ANKRD11: variants seen among roughly 807,000 people sequenced by gnomAD.
ANKRD11 encodes the protein ankyrin repeat domain 11.
A neutral mutation model predicts 195.7 loss-of-function variants in ANKRD11; 17 were observed. The ratio of observed to expected loss-of-function variants is 0.09; its 90% confidence interval spans 0.06 to 0.13. The LOEUF (loss-of-function observed/expected upper bound fraction) is 0.13, where lower values mean the gene tolerates loss of function less well. ANKRD11 is among the 10% of genes least tolerant of loss of function. ANKRD11 has a pLI of 1.00. For missense variants in ANKRD11, 3,735 were observed against 3,566.1 expected (o/e 1.05, Z -1.21); for synonymous variants, 1,953 against 1,528.1 (o/e 1.28, Z -6.49).
Position 89,341,658 on chromosome 16 carries a change from C to T in ANKRD11, c.-59-24580G>A, listed in dbSNP as rs554360605. On this transcript the variant is annotated intron_variant, in intron 2 of 12. Transcript: ENST00000301030. The stretch of plus-strand genomic sequence containing the variant: ...ACCGTTAACACTGGGAGCAATGCCA[C>T]GTATGCAAACGTGGCTTTAATCCCC... Among the ~76,000 whole-genome samples, 6 of 152,366 alleles carry T rather than the reference C, an allele frequency of 3.9e-5. No individual in the cohort carries two copies. The East Asian group carries it at 5.8e-4, about 15-fold the overall frequency.
chr16:89,389,873 G>C, intron 2 of ANKRD11, among the ~76,000 whole-genome samples: 1 of 133,662 alleles, frequency 7.5e-6, no homozygotes. Flanking sequence ...AAGATCACTG[G>C]GGCGAACACC....
intron 1 of ANKRD11, chr16:89,420,089 A>C (rs1440383536): frequency 3.3e-5 from 5 of 152,214 alleles, no homozygotes; most frequent in African/African-American, 1.2e-4. Context: ...CAGCAGCCTC[A>C]ATCCATCAAT....
Position 89,279,829 on chromosome 16 carries a change from C to A in ANKRD11, c.6713G>T (p.Ser2238Ile). 1 of 1,546,262 alleles carries A rather than the reference C, an allele frequency of 6.5e-7. No homozygotes were observed. The highest frequency in any genetic ancestry group is 2.4e-5 in the East Asian group (1 of 41,062). ...TGGGGGAACGGGCGCGGGCTCCACG[C>A]TGGAGTCCGGATCCCCACGGGCCCT... ...EERARGDPDS[S>I]VEPAPVPPEQ... is the part of the protein sequence containing the mutation. The change falls in exon 9 of 13, where the codon AGC becomes ATC. Residue 2238 changes from serine to isoleucine, a missense_variant. Coordinates refer to ENST00000301030, the MANE Select transcript of ANKRD11 (RefSeq NM_013275.6). The surrounding 1 kb of genome is among the most constrained non-coding windows in gnomAD (Gnocchi z 5.6).
intron 2 of ANKRD11, among the ~76,000 whole-genome samples, chr16:89,355,912 G>A (rs1313941612): frequency 1.3e-5 from 2 of 152,110 alleles, no homozygotes; most frequent in East Asian, 3.9e-4. Flanking sequence ...AGCACAGCTC[G>A]GGAGACCAGG....
At chr16:89,356,468 A>G (rs1437574846) in intron 2 of ANKRD11, among the ~76,000 whole-genome samples, 2 of 152,130 alleles carry the variant, frequency 1.3e-5, no homozygotes, top group African/African-American at 4.8e-5. Context: ...TTCCAATGTC[A>G]GCTCTATAAA....
At chr16:89,347,102 G>C (rs570032810) in intron 2 of ANKRD11, among the ~76,000 whole-genome samples, 22 of 152,248 alleles carry the variant, frequency 1.4e-4, no homozygotes, top group African/African-American at 5.1e-4. Flanking sequence ...TGGGCTCCTA[G>C]GCCCGTGGAG....
intron 1 of ANKRD11, among the ~76,000 whole-genome samples, chr16:89,460,369 C>A (rs1409004040): frequency 6.6e-6 from 1 of 151,926 alleles, no homozygotes; most frequent in Non-Finnish European, 1.5e-5. Flanking sequence ...ACCAGCCTGG[C>A]CAATATGGCA....
intron 2 of ANKRD11, among the ~76,000 whole-genome samples, chr16:89,409,161 G>C (rs886966239): frequency 6.6e-6 from 1 of 152,298 alleles, no homozygotes; most frequent in East Asian, 1.9e-4. Context: ...GATTTTTTAG[G>C]TGAAGCCGAC....
chr16:89,278,672 G>A (rs1487333152), intron 9 of ANKRD11: 1 of 473,292 alleles, frequency 2.1e-6, no homozygotes, highest in Non-Finnish European at 4.2e-6. Flanking sequence ...AACCCACGCG[G>A]GTCCAAGGGA....
At chr16:89,306,595 G>GCCAC (rs1343622703) in intron 3 of ANKRD11, among the ~76,000 whole-genome samples, 2 of 62,530 alleles carry the variant, frequency 3.2e-5, no homozygotes, top group African/African-American at 1.4e-4. Context: ...GCAGACACGC[G>GCCAC]CCACCTCCCA....
At chr16:89,312,897 C>G (rs2036689712) in intron 3 of ANKRD11, among the ~76,000 whole-genome samples, 2 of 152,180 alleles carry the variant, frequency 1.3e-5, no homozygotes, top group South Asian at 4.1e-4. Context: ...CTCCCAGCTC[C>G]CCACCTGCAG....
chr16:89,275,071 C>G, intron 10 of ANKRD11, 22 bp downstream of exon 10: 1 of 1,612,592 alleles, frequency 6.2e-7, no homozygotes, highest in Non-Finnish European at 8.5e-7. Flanking sequence ...TGGCGCCCCC[C>G]TGCCTGTGCC....
chr16:89,269,064 T>C (rs985554392), intron 12 of ANKRD11, among the ~76,000 whole-genome samples: 1 of 152,230 alleles, frequency 6.6e-6, no homozygotes, highest in Non-Finnish European at 1.5e-5. Flanking sequence ...AACTATGCCA[T>C]TTAAAAGTGC....
At chr16:89,430,612 T>C (rs1400343858) in intron 1 of ANKRD11, among the ~76,000 whole-genome samples, 2 of 152,230 alleles carry the variant, frequency 1.3e-5, no homozygotes, top group Non-Finnish European at 2.9e-5. Flanking sequence ...CGCTGTCCTT[T>C]AACAAGGACA....
intron 1 of ANKRD11, chr16:89,422,296 G>C (rs1430350382): frequency 2.6e-5 from 4 of 152,056 alleles, no homozygotes; most frequent in Non-Finnish European, 4.4e-5. Flanking sequence ...CTGGGCGAGC[G>C]ACTGAGACCC....
chr16:89,324,175 G>A lies in ANKRD11; in HGVS notation c.-59-7097C>T, dbSNP rs147147417. On this transcript the variant is annotated intron_variant, in intron 2 of 12. Transcript: ENST00000301030. ...TTCCACTCACATTTTCTGTTATCAC[G>A]GCGGGGGGTGGCAGCACCGAGAGCG... 418 of 1,141,750 alleles carry A rather than the reference G, an allele frequency of 3.7e-4. No individual in the cohort carries two copies. In the African/African-American group the frequency reaches 4.7e-3, roughly 13 times the overall value. 70.7% of individuals were successfully genotyped at this position (1,141,750 alleles called of 1,614,324 possible). A position where few individuals can be genotyped will look rare whatever the true frequency, so the allele number is the denominator to read the frequency against.
chr16:89,305,698 ACTCCGC>A, intron 3 of ANKRD11, among the ~76,000 whole-genome samples: 1 of 104,422 alleles, frequency 9.6e-6, no homozygotes, highest in Non-Finnish European at 1.9e-5. Flanking sequence ...GCCACCTCCC[ACTCCGC>A]AGACACGCGC....
intron 1 of ANKRD11, among the ~76,000 whole-genome samples, chr16:89,488,424 G>C (rs1353967759): frequency 6.6e-6 from 1 of 151,494 alleles, no homozygotes; most frequent in Non-Finnish European, 1.5e-5. Context: ...CACAATGAAG[G>C]CTGAGCAAGA....
rs149251232 is a variant in ANKRD11 at position 89,472,071 on chromosome 16, G to A, written c.-145+18174C>T. ...ACTACTTTTAAAGGTGCTCTCCACCGGGCAGAAAGAGCATCAGGATCAGGG... is the reference window on the plus strand; with the variant it reads ...ACTACTTTTAAAGGTGCTCTCCACCAGGCAGAAAGAGCATCAGGATCAGGG... On this transcript the variant is annotated intron_variant, in intron 1 of 12. Transcript: ENST00000301030. Among the ~76,000 whole-genome samples the A allele has an allele frequency of 7.6e-4, 116 of 152,146 alleles. 1 individual carries two copies. In the Middle Eastern group the frequency reaches 0.014, roughly 18 times the overall value.
Sources: allele counts gnomAD v4.1 joint callset (sites outside exome capture counted in the v4.1 genomes callset), GRCh38; gene constraint gnomAD v4.1.1; non-coding constraint Gnocchi (gnomAD v3.1); transcripts MANE v1.5; gene names NCBI Gene and HGNC (gene_info 2026-07-23, HGNC 2026-07-21).